Variants in PCK2 observed in about 807,000 individuals in gnomAD.
PCK2 encodes phosphoenolpyruvate carboxykinase [GTP], mitochondrial.
PCK2 carries 56 observed loss-of-function variants against 65.9 expected under a neutral mutation model. The observed-to-expected ratio is 0.85, with a 90% CI of 0.69 to 1.06. PCK2 has a LOEUF of 1.06. Among genes scored for constraint, PCK2 ranks in the 50% least tolerant of loss-of-function variants. The pLI is 0.00. For missense variants in PCK2, 843 were observed against 863.1 expected, an observed-to-expected ratio of 0.98 and a Z score of 0.29; for synonymous variants, 305 against 319.6, an observed-to-expected ratio of 0.95 and a Z score of 0.49.
In PCK2 at chr14:24,098,322, G is replaced by A. The variant is rs767060186; in HGVS notation, c.395G>A (p.Gly132Asp). 2 of 1,614,056 alleles carry A rather than the reference G, an allele frequency of 1.2e-6. No individual in the cohort carries two copies. The highest frequency in any genetic ancestry group is 1.7e-6 in the Non-Finnish European group (2 of 1,179,954). ...CCTGGTGGGGCCCGTGGGCAGCTGG[G>A]CAACTGGATGTCCCCAGCTGATTTC... ...LPPGGARGQLGNWMSPADFQR... is the reference protein window; with the variant it reads ...LPPGGARGQLDNWMSPADFQR... The change falls in exon 3 of 10, where the codon GGC becomes GAC. Residue 132 changes from glycine to aspartate, a missense_variant. Transcript: ENST00000216780.
intron 9 of PCK2, 84 bp downstream of exon 9, chr14:24,103,339 TC>T: frequency 8.0e-7 from 1 of 1,250,430 alleles, no homozygotes; most frequent in Non-Finnish European, 1.2e-6. Context: ...CTTCCTTTTG[TC>T]CACCCCTGGA....
Position 24,103,200 on chromosome 14 carries a change from G to GGTGTTT in PCK2, c.1417_1422dup (p.Phe473_Val474dup). 1 of 1,614,126 alleles carries GGTGTTT rather than the reference G, an allele frequency of 6.2e-7. No homozygotes were observed. The highest frequency in any genetic ancestry group is 8.5e-7 in the Non-Finnish European group (1 of 1,179,980). On this transcript the variant is annotated inframe_insertion, in exon 9 of 10. Coordinates refer to ENST00000216780, the MANE Select transcript of PCK2 (RefSeq NM_004563.4). ...ACGAGGCCTTCAACTGGCGTCATGGGGTGTTTGTGGGCAGCGCCATGCGCT... is the reference window on the plus strand; with the variant it reads ...ACGAGGCCTTCAACTGGCGTCATGGGGTGTTTGTGTTTGTGGGCAGCGCCATGCGCT...
chr14:24,104,024 C>A lies in PCK2; in HGVS notation c.*60C>A. 1 of 1,258,030 alleles carries A rather than the reference C, an allele frequency of 7.9e-7. No homozygotes were observed. Among genetic ancestry groups the A allele is most frequent in the Non-Finnish European group, 1.1e-6 (1 of 869,884 alleles). The allele number at this position is 1,258,030 out of a possible 1,614,324, so 77.9% of individuals were successfully genotyped here. ...CCTCATCTGGGAATAGGGAAGGCAC[C>A]TTGCAGAAAATATGAGCAATTTGAT... On this transcript the variant is annotated 3_prime_UTR_variant, in exon 10 of 10. Transcript: ENST00000216780.
At position 24,103,078 on chromosome 14, in the gene PCK2, G is replaced by A. The variant is rs185687744; in HGVS notation, c.1373-82G>A. On this transcript the variant is annotated intron_variant, in intron 8 of 9. Transcript: ENST00000216780. ...GATAGCCGAGGTCTTAGGAGAGAGA[G>A]TACCAGTCAAGCTCACCAGAAGGGC... 3,082 of 1,257,888 alleles carry A rather than the reference G, an allele frequency of 2.5e-3. 6 individuals carry two copies. The highest frequency in any genetic ancestry group is 3.2e-3 in the Non-Finnish European group (2,761 of 861,552). The allele number at this position is 1,257,888 out of a possible 1,614,324, so 77.9% of individuals were successfully genotyped here.
In PCK2 at chr14:24,097,047, T is replaced by C. The variant is rs777435692; in HGVS notation, c.185T>C (p.Ile62Thr). ...ARLCQPEGIHICDGTEAENTA... is the reference protein window; with the variant it reads ...ARLCQPEGIHTCDGTEAENTA... ...CTGTGCCAACCAGAGGGCATCCACA[T>C]CTGTGATGGAACTGAGGCTGAGAAT... The change falls in exon 2 of 10, where the codon ATC (isoleucine) becomes ACC (threonine). Residue 62 changes from isoleucine to threonine, a missense_variant. Transcript: ENST00000216780. The C allele has an allele frequency of 2.1e-5, 34 of 1,612,844 alleles. No homozygotes were observed. Among genetic ancestry groups the C allele is most frequent in the Non-Finnish European group, 2.9e-5 (34 of 1,179,604 alleles).
rs2037008927 is a variant in PCK2 at position 24,098,595 on chromosome 14, T to C, written c.581T>C (p.Leu194Pro). 1 of 1,614,100 alleles carries C rather than the reference T, an allele frequency of 6.2e-7. No homozygotes were observed. The highest frequency in any genetic ancestry group is 1.1e-5 in the South Asian group (1 of 91,086). Residue 194 changes from leucine to proline, a missense_variant, in exon 4 of 10, where the codon CTG becomes CCG. By Grantham distance (98) the Leu-to-Pro change is moderately conservative. Coordinates refer to ENST00000216780, the MANE Select transcript of PCK2 (RefSeq NM_004563.4). Reference protein sequence around the residue: ...VVASMRIMTRLGTPVLQALGD... With the variant: ...VVASMRIMTRPGTPVLQALGD... The stretch of plus-strand genomic sequence containing the variant: ...GCAAGCATGCGTATTATGACCCGAC[T>C]GGGGACACCTGTGCTTCAGGCCCTG...
intron 6 of PCK2, 102 bp from the exon 7 acceptor site, chr14:24,099,893 G>T: frequency 1.2e-6 from 2 of 1,601,990 alleles, no homozygotes; most frequent in Non-Finnish European, 1.7e-6. Flanking sequence ...ATCAGATCTT[G>T]GGTCCATCTC....
Position 24,099,286 on chromosome 14 carries a change from G to A in PCK2, c.852+50G>A. 3.3e-6 allele frequency: 5 copies of A among 1,530,794 alleles called. No individual in the cohort carries two copies. In the South Asian group the frequency reaches 4.6e-5, roughly 14 times the overall value. The allele number at this position is 1,530,794 out of a possible 1,614,324, so 94.8% of individuals were successfully genotyped here. On this transcript the variant is annotated intron_variant, in intron 5 of 9. Coordinates refer to ENST00000216780, the MANE Select transcript of PCK2 (RefSeq NM_004563.4). ...CAGCTGCCGGGGACAGGGCAGGGGT[G>A]GGGCCTGGCCAGTCTGCCTCAGCCT...
Position 24,094,463 on chromosome 14 carries a change from C to A in PCK2, c.29+29C>A, listed in dbSNP as rs1341656248. The A allele has an allele frequency of 1.3e-6, 2 of 1,512,992 alleles. No homozygotes were observed. The highest frequency in any genetic ancestry group is 1.8e-6 in the Non-Finnish European group (2 of 1,137,708). 93.7% of individuals were successfully genotyped at this position (1,512,992 alleles called of 1,614,324 possible). A position where few individuals can be genotyped will look rare whatever the true frequency, so the allele number is the denominator to read the frequency against. ...AGTGACCCCCGGCCCGGGGCCCACC[C>A]GCACCTTCCGCTGCGCTCGCCCCCT... On this transcript the variant is annotated intron_variant, in intron 1 of 9. Transcript: ENST00000216780. The surrounding 1 kb of genome is among the most constrained non-coding windows in gnomAD (Gnocchi z 4.1).
chr14:24,100,141 T>A lies in PCK2; in HGVS notation c.1162T>A (p.Trp388Arg), dbSNP rs771757740. 3 of 1,613,798 alleles carry A rather than the reference T, an allele frequency of 1.9e-6. No homozygotes were observed. Among genetic ancestry groups the A allele is most frequent in the Non-Finnish European group, 2.5e-6 (3 of 1,179,806 alleles). The change falls in exon 7 of 10, where the codon TGG becomes AGG. Residue 388 changes from tryptophan (W) to arginine (R), a missense_variant. Physicochemically the swap from Trp to Arg is moderately radical, Grantham distance 101. Transcript: ENST00000216780. ...VAETSDGGVY[W>R]EGIDQPLPPG... Reference sequence around the variant, plus strand: ...TGAGACCAGTGATGGTGGCGTGTACTGGGAGGGCATTGACCAGCCTCTTCC... The same window carrying A: ...TGAGACCAGTGATGGTGGCGTGTACAGGGAGGGCATTGACCAGCCTCTTCC...
Position 24,103,666 on chromosome 14 carries a change from A to C in PCK2, c.1625A>C (p.His542Pro). Reference protein sequence around the residue: ...VNWFRRDEAGHFLWPGFGENA... With the variant: ...VNWFRRDEAGPFLWPGFGENA... ...TGGTTCCGGCGTGACGAGGCAGGGC[A>C]CTTCCTGTGGCCAGGCTTTGGGGAG... The change falls in exon 10 of 10, where the codon CAC (histidine) becomes CCC (proline). Residue 542 changes from histidine (H) to proline (P), a missense_variant. By Grantham distance (77) the His-to-Pro change is moderately conservative. Transcript: ENST00000216780. 1 of 1,614,200 alleles carries C rather than the reference A, an allele frequency of 6.2e-7. No individual in the cohort carries two copies. Among genetic ancestry groups the C allele is most frequent in the East Asian group, 2.2e-5 (1 of 44,880 alleles).
chr14:24,099,076 A>T lies in PCK2; in HGVS notation c.692A>T (p.Asn231Ile). ...GAGCCAGTGAGCCAGTGGCCGTGCA[A>T]CCCAGAGAAAACCCTGATTGGCCAC... ...QGEPVSQWPCNPEKTLIGHVP... is the reference protein window; with the variant it reads ...QGEPVSQWPCIPEKTLIGHVP... Residue 231 changes from asparagine (N) to isoleucine (I), a missense_variant, in exon 5 of 10, where the codon AAC becomes ATC. Physicochemically the swap from Asn to Ile is moderately radical, Grantham distance 149. Coordinates refer to ENST00000216780, the MANE Select transcript of PCK2 (RefSeq NM_004563.4). 1 of 1,607,860 alleles carries T rather than the reference A, an allele frequency of 6.2e-7. No individual in the cohort carries two copies. Among genetic ancestry groups the T allele is most frequent in the East Asian group, 2.2e-5 (1 of 44,722 alleles).
At chr14:24,096,821 T>G (rs1247001107) in intron 1 of PCK2, 71 bp from the exon 2 acceptor site, 5 of 1,405,810 alleles carry the variant, frequency 3.6e-6, no homozygotes, top group Non-Finnish European at 3.0e-6. Flanking sequence ...CCAAGCTTTC[T>G]GTCTCTCCAC....
chr14:24,096,459 T>C (rs1316144718), intron 1 of PCK2, among the ~76,000 whole-genome samples: 4 of 152,012 alleles, frequency 2.6e-5, no homozygotes, highest in Admixed American at 2.0e-4. Flanking sequence ...ATGGTCTTGA[T>C]CTCCTGACCT....
intron 7 of PCK2, among the ~76,000 whole-genome samples, chr14:24,101,739 T>A (rs2037168892): frequency 6.6e-6 from 1 of 151,848 alleles, no homozygotes. Context: ...CCTGGCAACA[T>A]GGCAAAACCC....
intron 2 of PCK2, 41 bp downstream of exon 2, chr14:24,097,178 A>C (rs1460137867): frequency 1.3e-6 from 2 of 1,598,606 alleles, no homozygotes; most frequent in African/African-American, 2.7e-5. Flanking sequence ...AGGTGCACTG[A>C]GGCCACTTTG....
At chr14:24,102,099 G>T (rs1408873879) in intron 7 of PCK2, among the ~76,000 whole-genome samples, 1 of 151,880 alleles carries the variant, frequency 6.6e-6, no homozygotes, top group Non-Finnish European at 1.5e-5. Flanking sequence ...ATGGTGGTGG[G>T]TGCCTGTAAT....
At position 24,098,624 on chromosome 14, in the gene PCK2, G is replaced by C; in HGVS notation, c.610G>C (p.Asp204His). Residue 204 changes from aspartate (D) to histidine (H), a missense_variant, in exon 4 of 10, where the codon GAT (aspartate) becomes CAT (histidine). Coordinates refer to ENST00000216780, the MANE Select transcript of PCK2 (RefSeq NM_004563.4). ...GACACCTGTGCTTCAGGCCCTGGGA[G>C]ATGGTGACTTTGTCAAGTGTCTGCA... ...LGTPVLQALG[D>H]GDFVKCLHSV... The C allele has an allele frequency of 6.2e-7, 1 of 1,614,050 alleles. No homozygotes were observed. Among genetic ancestry groups the C allele is most frequent in the Non-Finnish European group, 8.5e-7 (1 of 1,180,022 alleles).
chr14:24,102,651 C>CA (rs367813502), intron 7 of PCK2, 102 bp from the exon 8 acceptor site: 17,444 of 873,824 alleles, frequency 0.02, 1 homozygote, highest in Non-Finnish European at 0.024. Flanking sequence ...GCTGATGAGG[C>CA]AAAAAAAAAA....
Sources: gnomAD v4.1 joint callset for allele counts (sites outside exome capture counted in the v4.1 genomes callset) on GRCh38, gnomAD v4.1.1 for gene constraint, Gnocchi (gnomAD v3.1) non-coding constraint, MANE v1.5 for transcripts, NCBI Gene and HGNC (gene_info 2026-07-23, HGNC 2026-07-21) for gene names.